The following RFT1 variants were observed in gnomAD, a reference collection of about 807,000 sequenced individuals.
The protein encoded by RFT1 is man(5)GlcNAc(2)-PP-dolichol translocation protein RFT1.
RFT1 carries 43 observed loss-of-function variants against 62.2 expected under a neutral mutation model. That is an observed-to-expected ratio of 0.69 (90% CI 0.54 to 0.89). The LOEUF (loss-of-function observed/expected upper bound fraction) is 0.89. Ranked by LOEUF, RFT1 falls within the 40% of genes least tolerant of loss-of-function variation. The pLI is 0.00. For missense variants in RFT1, 605 were observed against 649.9 expected (o/e 0.93, Z 0.75); for synonymous variants, 262 against 264.6 (o/e 0.99, Z 0.10).
intron 5 of RFT1, among the ~76,000 whole-genome samples, chr3:53,121,338 T>C (rs908140480): frequency 1.3e-5 from 2 of 152,176 alleles, no homozygotes; most frequent in African/African-American, 4.8e-5. Flanking sequence ...ATAATACATA[T>C]ACAATTTGAT....
At chr3:53,114,859 C>T (rs190108696) in intron 6 of RFT1, among the ~76,000 whole-genome samples, 1 of 152,300 alleles carries the variant, frequency 6.6e-6, no homozygotes, top group Non-Finnish European at 1.5e-5. Context: ...TCGTCCACTT[C>T]CCAAACTCTT....
chr3:53,121,888 G>A (rs532995084), intron 4 of RFT1, 88 bp from the exon 5 acceptor site: 2 of 1,091,612 alleles, frequency 1.8e-6, no homozygotes, highest in Admixed American at 3.9e-5. Flanking sequence ...CTAGGGCAGT[G>A]GTCACCCTGG....
chr3:53,067,304 G>A, the RFT1 span, among the ~76,000 whole-genome samples: 1 of 152,320 alleles, frequency 6.6e-6, no homozygotes, highest in Non-Finnish European at 1.5e-5. Context: ...AGCCGTGATG[G>A]CGCCCCACTG....
At chr3:53,113,124 T>TC (rs1477753491) in intron 6 of RFT1, among the ~76,000 whole-genome samples, 1 of 151,948 alleles carries the variant, frequency 6.6e-6, no homozygotes, top group Non-Finnish European at 1.5e-5. Flanking sequence ...CAAGCCATCT[T>TC]CCCCCCTCAG....
At chr3:53,085,273 T>G (rs1700832542), downstream of RFT1, among the ~76,000 whole-genome samples, 1 of 152,162 alleles carries the variant, frequency 6.6e-6, no homozygotes, top group Non-Finnish European at 1.5e-5. Flanking sequence ...CAGAGAGGGC[T>G]GGGAGCTGCC....
intron 2 of RFT1, 45 bp from the exon 3 acceptor site, chr3:53,123,885 T>C (rs764734045): frequency 2.0e-5 from 29 of 1,475,522 alleles, no homozygotes; most frequent in Admixed American, 3.4e-5. Context: ...AGTTTTTTCA[T>C]AGAGAGAACT....
chr3:53,101,291 G>A (rs913997717), intron 10 of RFT1, among the ~76,000 whole-genome samples: 2 of 152,156 alleles, frequency 1.3e-5, no homozygotes, highest in South Asian at 2.1e-4. Flanking sequence ...GAAGGGAGGC[G>A]GGGACCAGGC....
In RFT1 at chr3:53,129,406, G is replaced by T. The variant is rs139815581; in HGVS notation, c.63+932C>A. On this transcript the variant is annotated intron_variant, in intron 1 of 12. Transcript: ENST00000296292. ...ATACAGAAGTCATCGGATTTATCCC[G>T]AAGGCAGGCATCTAGCAAGTGACAA... is the stretch of plus-strand genomic sequence containing the variant. Among the ~76,000 whole-genome samples the T allele has an allele frequency of 1.6e-3, 251 of 152,224 alleles. 1 individual carries two copies. The highest frequency in any genetic ancestry group is 5.8e-3 in the African/African-American group (241 of 41,512).
In RFT1 at chr3:53,090,877, C is replaced by T. The variant is rs1357181147; in HGVS notation, c.*1026G>A. The T allele has an allele frequency of 6.6e-6, 1 of 152,224 alleles. No homozygotes were observed. The highest frequency in any genetic ancestry group is 1.5e-5 in the Non-Finnish European group (1 of 68,066). The allele number at this position is 152,224 out of a possible 1,614,324, so 9.4% of individuals were successfully genotyped here. A position where few individuals can be genotyped will look rare whatever the true frequency, so the allele number is the denominator to read the frequency against. On this transcript the variant is annotated 3_prime_UTR_variant, in exon 13 of 13. Transcript: ENST00000296292. ...TGGGCTCACACTGTAGCCTGGAGTA[C>T]CAGGCCCCCATGCCTGCCACTCTTG...
At chr3:53,099,747 G>A (rs1701258890) in intron 10 of RFT1, among the ~76,000 whole-genome samples, 2 of 152,224 alleles carry the variant, frequency 1.3e-5, no homozygotes, top group Non-Finnish European at 2.9e-5. Context: ...AGCACTTTGG[G>A]AGGCCCAAGG....
At chr3:53,087,588 A>G (rs1206006842), downstream of RFT1, among the ~76,000 whole-genome samples, 1 of 152,076 alleles carries the variant, frequency 6.6e-6, no homozygotes, top group Admixed American at 6.6e-5. Flanking sequence ...TGGAGCGCGA[A>G]CATGCTCATT....
At chr3:53,100,714 A>C (rs1215843698) in intron 10 of RFT1, among the ~76,000 whole-genome samples, 2 of 152,218 alleles carry the variant, frequency 1.3e-5, no homozygotes, top group Admixed American at 6.5e-5. Flanking sequence ...CTTTTAAAAG[A>C]AATACTGATC....
At chr3:53,101,858 C>T (rs1156725275) in intron 10 of RFT1, among the ~76,000 whole-genome samples, 2 of 151,872 alleles carry the variant, frequency 1.3e-5, no homozygotes, top group African/African-American at 2.4e-5. Context: ...GCCAACATGG[C>T]GAAACCCCGT....
the RFT1 span, among the ~76,000 whole-genome samples, chr3:53,073,757 C>G: frequency 6.6e-6 from 1 of 152,180 alleles, no homozygotes; most frequent in Admixed American, 6.5e-5. Context: ...CTCTGGAGAG[C>G]AGAGGCCCCG....
At chr3:53,120,690 G>A (rs770528249) in intron 5 of RFT1, among the ~76,000 whole-genome samples, 1 of 152,046 alleles carries the variant, frequency 6.6e-6, no homozygotes, top group African/African-American at 2.4e-5. Flanking sequence ...AGCTCCCTTC[G>A]ACCCTCTTTC....
intron 1 of RFT1, among the ~76,000 whole-genome samples, chr3:53,127,734 G>C (rs1156450138): frequency 6.6e-6 from 1 of 151,880 alleles, no homozygotes; most frequent in Non-Finnish European, 1.5e-5. Context: ...CCAGGAATTT[G>C]AGACCAGCCT....
rs540476678 is a variant in RFT1, at chr3:53,094,342, A to G, written c.1209-1724T>C. ...CGCTTTATCAAAGTGGGTGGTAAAA[A>G]TACTACACGCACACACACACACACA... On this transcript the variant is annotated intron_variant, in intron 11 of 12. Transcript: ENST00000296292. 2.4e-5 allele frequency among the ~76,000 whole-genome samples: 3 copies of G among 124,776 alleles called. No individual in the cohort carries two copies. In the South Asian group the frequency reaches 8.1e-4, roughly 34 times the overall value. 81.9% of individuals were successfully genotyped at this position (124,776 alleles called of 152,430 possible). A position where few individuals can be genotyped will look rare whatever the true frequency, so the allele number is the denominator to read the frequency against.
chr3:53,130,150 G>A (rs1702220199), intron 1 of RFT1, among the ~76,000 whole-genome samples, 188 bp downstream of exon 1: 1 of 152,212 alleles, frequency 6.6e-6, no homozygotes, highest in African/African-American at 2.4e-5. Context: ...CTAAAGGCAG[G>A]CTCCTATCTC....
At chr3:53,072,764 CT>C in the RFT1 span, among the ~76,000 whole-genome samples, 1 of 152,226 alleles carries the variant, frequency 6.6e-6, no homozygotes, top group Non-Finnish European at 1.5e-5. Flanking sequence ...CCTGGGGCGG[CT>C]GCTCCATTGT....
Sources: allele counts gnomAD v4.1 joint callset (sites outside exome capture counted in the v4.1 genomes callset), GRCh38; gene constraint gnomAD v4.1.1; transcripts MANE v1.5; gene names NCBI Gene and HGNC (gene_info 2026-07-23, HGNC 2026-07-21).